EFCAB11: variants seen among roughly 807,000 people sequenced by gnomAD.
The protein encoded by EFCAB11 is EF-hand calcium-binding domain-containing protein 11.
In EFCAB11, 14 loss-of-function variants were observed where a neutral mutation model predicts 23.0. That is an observed-to-expected ratio of 0.61 (90% CI 0.40 to 0.95). The LOEUF (loss-of-function observed/expected upper bound fraction) is 0.95. Ranked by LOEUF, EFCAB11 falls within the 40% of genes least tolerant of loss-of-function variation. EFCAB11 has a pLI of 0.00. For missense variants in EFCAB11, 198 were observed against 195.8 expected (o/e 1.01, Z -0.07); for synonymous variants, 65 against 66.6 (o/e 0.98, Z 0.11).
At chr14:89,847,681 G>A (rs113262768) in intron 5 of EFCAB11, among the ~76,000 whole-genome samples, 13,335 of 148,314 alleles carry the variant, frequency 0.09, 1,328 homozygotes, top group African/African-American at 0.25. Flanking sequence ...GGAGGTTGCA[G>A]TGGGCTGAGA....
At chr14:89,952,039 A>C (rs1167291005) in intron 2 of EFCAB11, among the ~76,000 whole-genome samples, 1 of 152,256 alleles carries the variant, frequency 6.6e-6, no homozygotes. Flanking sequence ...TTTGCTCAAA[A>C]GCAATATTAA....
Position 89,797,340 on chromosome 14 carries a change from A to C in EFCAB11, c.411-16T>G. ...ATCTACTTCCCTGGAAAATGAAACA[A>C]AAAGTCATTTACACATTATTCTCGT... is the stretch of plus-strand genomic sequence containing the variant. On this transcript the variant is annotated splice_polypyrimidine_tract_variant and intron_variant, in intron 5 of 5. Coordinates refer to ENST00000316738, the MANE Select transcript of EFCAB11 (RefSeq NM_145231.4). 6.2e-7 allele frequency: 1 copy of C among 1,610,388 alleles called. No homozygotes were observed. Among genetic ancestry groups the C allele is most frequent in the Non-Finnish European group, 8.5e-7 (1 of 1,178,284 alleles).
chr14:89,836,401 C>A (rs1330854010), intron 5 of EFCAB11: 1 of 352,664 alleles, frequency 2.8e-6, no homozygotes, highest in Non-Finnish European at 5.6e-6. Context: ...CCTTCCTACA[C>A]AGCCCTGAGG....
intron 5 of EFCAB11, among the ~76,000 whole-genome samples, chr14:89,828,768 T>A (rs977821145): frequency 9.9e-5 from 15 of 152,170 alleles, no homozygotes; most frequent in Non-Finnish European, 1.5e-4. Context: ...ACGGGCTTAA[T>A]AAGAAGCAGT....
chr14:89,819,740 A>G (rs939643038), intron 5 of EFCAB11, among the ~76,000 whole-genome samples: 4 of 152,162 alleles, frequency 2.6e-5, no homozygotes, highest in African/African-American at 9.7e-5. Flanking sequence ...CCCAGCCCCA[A>G]AGAAACTTTT....
At position 89,943,232 on chromosome 14, in the gene EFCAB11, C is replaced by T. The variant is rs140838052; in HGVS notation, c.217+6865G>A. Among the ~76,000 whole-genome samples the T allele has an allele frequency of 2.5e-3, 375 of 151,652 alleles. 10 individuals are homozygous for T. In the East Asian group the frequency reaches 0.051, roughly 21 times the overall value. On this transcript the variant is annotated intron_variant, in intron 3 of 5. Transcript: ENST00000316738. The stretch of plus-strand genomic sequence containing the variant: ...TAAATAGTTCCCAGGAGGCCAAGGC[C>T]AGCATTTCAGACCTGTTTTTTTTTT...
At chr14:89,882,610 G>A (rs1372756061) in intron 5 of EFCAB11, among the ~76,000 whole-genome samples, 1 of 152,030 alleles carries the variant, frequency 6.6e-6, no homozygotes, top group Non-Finnish European at 1.5e-5. Flanking sequence ...ATTTATATAA[G>A]CAATGATGGG....
At chr14:89,901,909 T>A (rs1490266369) in intron 5 of EFCAB11, among the ~76,000 whole-genome samples, 1 of 152,128 alleles carries the variant, frequency 6.6e-6, no homozygotes. Flanking sequence ...ATTTTCAGAT[T>A]GGGCATGCTC....
At chr14:89,946,738 T>G (rs566110726) in intron 3 of EFCAB11, among the ~76,000 whole-genome samples, 5 of 151,764 alleles carry the variant, frequency 3.3e-5, no homozygotes, top group African/African-American at 1.2e-4. Context: ...CCTGGCTTTT[T>G]TTTTTTTTTT....
chr14:89,833,549 C>T (rs569240221), intron 5 of EFCAB11, among the ~76,000 whole-genome samples: 2 of 152,230 alleles, frequency 1.3e-5, no homozygotes, highest in African/African-American at 4.8e-5. Context: ...TTAAATAGTT[C>T]TCGCTGAATT....
intron 3 of EFCAB11, among the ~76,000 whole-genome samples, chr14:89,949,335 T>G (rs944980020): frequency 3.9e-5 from 6 of 152,084 alleles, no homozygotes. Context: ...AAAATAAAGA[T>G]GTGCTTAAAT....
intron 5 of EFCAB11, among the ~76,000 whole-genome samples, chr14:89,917,098 A>ATG (rs1242468086): frequency 1.1e-3 from 84 of 73,338 alleles, no homozygotes; most frequent in Non-Finnish European, 5.0e-4. Flanking sequence ...GTGTGTGTGT[A>ATG]TGTGTGTGTT....
rs1206710164 is a variant in EFCAB11 at position 89,849,572 on chromosome 14, A to G, written c.411-52248T>C. Among the ~76,000 whole-genome samples, 7 of 150,312 alleles carry G rather than the reference A, an allele frequency of 4.7e-5. No individual in the cohort carries two copies. In the East Asian group the frequency reaches 9.8e-4, roughly 21 times the overall value. On this transcript the variant is annotated intron_variant, in intron 5 of 5. Coordinates refer to ENST00000316738, the MANE Select transcript of EFCAB11 (RefSeq NM_145231.4). Reference sequence around the variant, plus strand: ...TCTTTGCTTGTCTGTAGCTTCCGTAATAAGTATGCATTGCTTTTGTAACAA... The same window carrying G: ...TCTTTGCTTGTCTGTAGCTTCCGTAGTAAGTATGCATTGCTTTTGTAACAA...
chr14:89,943,372 G>C (rs1236204356), intron 3 of EFCAB11, among the ~76,000 whole-genome samples: 3 of 151,550 alleles, frequency 2.0e-5, no homozygotes, highest in South Asian at 4.2e-4. Flanking sequence ...AGCCCCCTGA[G>C]TAGCTGGGAC....
intron 5 of EFCAB11, among the ~76,000 whole-genome samples, chr14:89,918,622 A>G (rs1889926531): frequency 6.6e-6 from 1 of 152,100 alleles, no homozygotes; most frequent in African/African-American, 2.4e-5. Flanking sequence ...ACCCAGGAAG[A>G]GGCCATGATC....
At chr14:89,931,159 C>T (rs993155322) in intron 5 of EFCAB11, 3 of 170,668 alleles carry the variant, frequency 1.8e-5, no homozygotes, top group Non-Finnish European at 2.5e-5. Context: ...CCACATGTAA[C>T]CTGTGTTTGT....
chr14:89,866,727 T>C (rs573343413), intron 5 of EFCAB11, among the ~76,000 whole-genome samples: 2 of 152,386 alleles, frequency 1.3e-5, no homozygotes, highest in South Asian at 2.1e-4. Context: ...TAATCATTCA[T>C]GATGTTCTTT....
At chr14:89,938,336 T>C (rs904618634) in intron 3 of EFCAB11, among the ~76,000 whole-genome samples, 5 of 152,180 alleles carry the variant, frequency 3.3e-5, no homozygotes, top group African/African-American at 1.2e-4. Flanking sequence ...GAAGCAGTCT[T>C]TCAAAAGACA....
intron 5 of EFCAB11, among the ~76,000 whole-genome samples, chr14:89,867,296 G>A (rs748846737): frequency 1.4e-4 from 22 of 152,232 alleles, no homozygotes; most frequent in Non-Finnish European, 2.6e-4. Flanking sequence ...ACTATCTGGC[G>A]TATTGGCAAC....
Sources: allele counts gnomAD v4.1 joint callset (sites outside exome capture counted in the v4.1 genomes callset), GRCh38; gene constraint gnomAD v4.1.1; transcripts MANE v1.5; gene names NCBI Gene and HGNC (gene_info 2026-07-23, HGNC 2026-07-21).